Variants in TTC13 observed in about 807,000 individuals in gnomAD.
The protein encoded by TTC13 is tetratricopeptide repeat domain 13.
Under a neutral mutation model 120.0 loss-of-function variants are expected in TTC13, and 62 were observed. The ratio of observed to expected loss-of-function variants is 0.52; its 90% CI spans 0.42 to 0.64. The LOEUF (loss-of-function observed/expected upper bound fraction) is 0.64, where lower values mean the gene tolerates loss of function less well. TTC13 is among the 30% of genes least tolerant of loss of function. TTC13 has a pLI of 0.00. For synonymous variants in TTC13, 384 were observed against 393.5 expected (o/e 0.98, Z 0.28); for missense variants, 824 against 1,050.2 (o/e 0.78, Z 2.98).
At chr1:230,967,750 ATTACT>A (rs1322043923) in intron 1 of TTC13, among the ~76,000 whole-genome samples, 1 of 152,234 alleles carries the variant, frequency 6.6e-6, no homozygotes, top group Non-Finnish European at 1.5e-5. Flanking sequence ...TATGGCTTTA[ATTACT>A]TTACTATCAT....
chr1:230,906,880 T>C lies in TTC13; in HGVS notation c.*25A>G. 8.2e-7 allele frequency: 1 copy of C among 1,225,690 alleles called. No individual in the cohort carries two copies. The highest frequency in any genetic ancestry group is 1.8e-5 in the South Asian group (1 of 55,924). The allele number at this position is 1,225,690 out of a possible 1,614,324, so 75.9% of individuals were successfully genotyped here. ...TTAAGAAGCAAGAGGTCCGGCCCTT[T>C]ACTTGTATAAATACAGCAGCAGAAC... On this transcript the variant is annotated 3_prime_UTR_variant, in exon 23 of 23. Coordinates refer to ENST00000366661, the MANE Select transcript of TTC13 (RefSeq NM_024525.5).
At chr1:230,918,061 T>G (rs937779474) in intron 17 of TTC13, among the ~76,000 whole-genome samples, 25 of 152,256 alleles carry the variant, frequency 1.6e-4, no homozygotes, top group African/African-American at 5.5e-4. Flanking sequence ...ACATAATGTA[T>G]GATTTTCTAA....
In TTC13 at chr1:230,945,217, G is replaced by A. The variant is rs564088509; in HGVS notation, c.579+172C>T. On this transcript the variant is annotated intron_variant, in intron 5 of 22. Coordinates refer to ENST00000366661, the MANE Select transcript of TTC13 (RefSeq NM_024525.5). ...AAAGTTGACTTCAGAAGATCTGGGTGGAAATCCCCAGTCCACCACTTACTA... is the reference window on the plus strand; with the variant it reads ...AAAGTTGACTTCAGAAGATCTGGGTAGAAATCCCCAGTCCACCACTTACTA... 2.0e-5 allele frequency among the ~76,000 whole-genome samples: 3 copies of A among 152,214 alleles called. No individual in the cohort carries two copies. The South Asian group carries it at 6.2e-4, about 32-fold the overall frequency.
rs755168195 is a variant in TTC13 at position 230,978,596 on chromosome 1, C to T, written c.235G>A (p.Gly79Arg). The change falls in exon 1 of 23, where the codon GGG becomes AGG. Residue 79 changes from glycine to arginine, a missense_variant. Physicochemically the swap from Gly to Arg is moderately radical, Grantham distance 125. Transcript: ENST00000366661. The surrounding 1 kb of genome is among the most constrained non-coding windows in gnomAD (Gnocchi z 5.6). ...AGGGGCSPQS[G>R]DWGDQYSAEC... is the part of the protein sequence containing the mutation. Reference sequence around the variant, plus strand: ...GCAGAGTACTGGTCCCCCCAGTCCCCGGACTGCGGGCTGCAGCCGCCGCCG... The same window carrying T: ...GCAGAGTACTGGTCCCCCCAGTCCCTGGACTGCGGGCTGCAGCCGCCGCCG... The T allele has an allele frequency of 2.2e-6, 3 of 1,393,856 alleles. No homozygotes were observed. The highest frequency in any genetic ancestry group is 1.3e-5 in the South Asian group (1 of 74,706). 86.3% of individuals were successfully genotyped at this position (1,393,856 alleles called of 1,614,324 possible). A position where few individuals can be genotyped will look rare whatever the true frequency, so the allele number is the denominator to read the frequency against.
At chr1:230,907,701 A>G (rs1671064433) in intron 22 of TTC13, among the ~76,000 whole-genome samples, 1 of 152,216 alleles carries the variant, frequency 6.6e-6, no homozygotes, top group South Asian at 2.1e-4. Context: ...TACAGGCACA[A>G]ATATTTCTGT....
At chr1:230,915,907 C>CG (rs1456836707) in intron 18 of TTC13, among the ~76,000 whole-genome samples, 1 of 151,718 alleles carries the variant, frequency 6.6e-6, no homozygotes, top group Admixed American at 6.6e-5. Context: ...TCCCTCGCCC[C>CG]CCCAAGGAAC....
intron 12 of TTC13, among the ~76,000 whole-genome samples, chr1:230,927,174 C>A (rs1396995351): frequency 6.6e-6 from 1 of 152,150 alleles, no homozygotes; most frequent in Non-Finnish European, 1.5e-5. Context: ...TAGCTGTGAA[C>A]AAATTCTGCT....
At chr1:230,912,373 T>A (rs927897266) in intron 19 of TTC13, among the ~76,000 whole-genome samples, 4 of 152,206 alleles carry the variant, frequency 2.6e-5, no homozygotes, top group Admixed American at 6.5e-5. Flanking sequence ...CCAGCTTTTT[T>A]ATATCTTGTC....
intron 8 of TTC13, among the ~76,000 whole-genome samples, chr1:230,938,088 C>T (rs754023032): frequency 9.2e-5 from 14 of 152,228 alleles, no homozygotes; most frequent in Non-Finnish European, 2.1e-4. Context: ...ATGTCAGATC[C>T]TCAAACCTCT....
intron 15 of TTC13, 109 bp downstream of exon 15, chr1:230,923,732 G>C: frequency 2.3e-6 from 2 of 858,634 alleles, no homozygotes; most frequent in Non-Finnish European, 3.8e-6. Flanking sequence ...TATGTTCCCT[G>C]GTCAAAAAGT....
chr1:230,920,222 A>G, intron 17 of TTC13: 1 of 229,682 alleles, frequency 4.4e-6, no homozygotes, highest in Non-Finnish European at 8.5e-6. Flanking sequence ...TATAACTGCA[A>G]TCATGTAGAA....
Position 230,925,383 on chromosome 1 carries a change from A to C in TTC13, c.1588+134T>G, listed in dbSNP as rs544555864. On this transcript the variant is annotated intron_variant, in intron 13 of 22. Coordinates refer to ENST00000366661, the MANE Select transcript of TTC13 (RefSeq NM_024525.5). Reference sequence around the variant, plus strand: ...CAGAATTCAGTTTGAATGATTCTACACATTTCTATTCTGATCACATGGAGA... The same window carrying C: ...CAGAATTCAGTTTGAATGATTCTACCCATTTCTATTCTGATCACATGGAGA... 150 of 1,061,696 alleles carry C rather than the reference A, an allele frequency of 1.4e-4. 2 individuals carry two copies. The South Asian group carries it at 2.4e-3, about 17-fold the overall frequency. The allele number at this position is 1,061,696 out of a possible 1,614,324, so 65.8% of individuals were successfully genotyped here.
intron 8 of TTC13, among the ~76,000 whole-genome samples, chr1:230,938,837 C>T (rs550171631): frequency 6.6e-6 from 1 of 152,322 alleles, no homozygotes; most frequent in South Asian, 2.1e-4. Flanking sequence ...ATGCTTAGCA[C>T]AGTACTCCAG....
intron 3 of TTC13, 84 bp downstream of exon 3, chr1:230,958,140 C>G (rs1050705244): frequency 9.1e-6 from 13 of 1,430,640 alleles, no homozygotes; most frequent in Non-Finnish European, 1.3e-5. Flanking sequence ...TCTCTCTACT[C>G]CTTACCATCC....
chr1:230,914,241 G>C (rs1671794621), intron 18 of TTC13, among the ~76,000 whole-genome samples: 1 of 151,934 alleles, frequency 6.6e-6, no homozygotes, highest in Non-Finnish European at 1.5e-5. Flanking sequence ...CTTATACGAG[G>C]ATTTTCTTCC....
chr1:230,933,865 TA>T lies in TTC13; in HGVS notation c.901-5del, dbSNP rs1673797654. 1 of 1,568,286 alleles carries T rather than the reference TA, an allele frequency of 6.4e-7. No individual in the cohort carries two copies. ...CTTTGAAGGATTCAATAGCTTCCTA[TA>T]AAAAGTGTAGAGAAAATTATTTCAT... On this transcript the variant is annotated splice_polypyrimidine_tract_variant and splice_region_variant and intron_variant, in intron 8 of 22. Transcript: ENST00000366661.
intron 20 of TTC13, 85 bp from the exon 21 acceptor site, chr1:230,909,105 AAAG>A: frequency 8.8e-7 from 1 of 1,139,490 alleles, no homozygotes; most frequent in Non-Finnish European, 1.3e-6. Context: ...TCCCATCATG[AAAG>A]ATAAAATTTA....
intron 16 of TTC13, 112 bp from the exon 17 acceptor site, chr1:230,920,706 C>T: frequency 1.7e-6 from 1 of 592,184 alleles, no homozygotes; most frequent in Non-Finnish European, 2.7e-6. Context: ...AGTAGCTAAA[C>T]ATTCAAAATG....
At chr1:230,912,307 A>T (rs1406427827) in intron 19 of TTC13, among the ~76,000 whole-genome samples, 1 of 152,174 alleles carries the variant, frequency 6.6e-6, no homozygotes, top group Non-Finnish European at 1.5e-5. Context: ...CAACAACCGC[A>T]ACGAAGGGAA....
Sources: gnomAD v4.1 joint callset for allele counts (sites outside exome capture counted in the v4.1 genomes callset) on GRCh38, gnomAD v4.1.1 for gene constraint, Gnocchi (gnomAD v3.1) non-coding constraint, MANE v1.5 for transcripts, NCBI Gene and HGNC (gene_info 2026-07-23, HGNC 2026-07-21) for gene names.